Variants in NKPD1 observed in about 807,000 individuals in gnomAD.
NKPD1 encodes the protein NTPase KAP family P-loop domain-containing protein 1.
NKPD1 carries 37 observed loss-of-function variants against 42.2 expected under a neutral mutation model. The observed-to-expected ratio is 0.88, with a 90% CI of 0.67 to 1.15. NKPD1 has a LOEUF of 1.15. Among genes scored for constraint, NKPD1 ranks in the 50% most tolerant of loss-of-function variants. NKPD1 has a pLI of 0.00. For synonymous variants in NKPD1, 552 were observed against 536.5 expected (o/e 1.03, Z -0.40); for missense variants, 1,113 against 1,174.6 (o/e 0.95, Z 0.77).
In NKPD1 at chr19:45,160,047, A is replaced by C; in HGVS notation, c.91+13T>G. ...TCTGTCGGCCATCACCCGCCCCCAA[A>C]CTGAACCCGTACCTTTTCGGTGCCC... is the stretch of plus-strand genomic sequence containing the variant. On this transcript the variant is annotated intron_variant, in intron 2 of 4. Transcript: ENST00000686631. The C allele has an allele frequency of 7.7e-7, 1 of 1,296,350 alleles. No individual in the cohort carries two copies. The highest frequency in any genetic ancestry group is 1.2e-5 in the South Asian group (1 of 80,244). 80.3% of individuals were successfully genotyped at this position (1,296,350 alleles called of 1,614,324 possible).
chr19:45,161,784 GC>G (rs1351124648), upstream of NKPD1, among the ~76,000 whole-genome samples: 3 of 152,220 alleles, frequency 2.0e-5, no homozygotes, highest in Admixed American at 6.5e-5. Context: ...GCTCTCTGGG[GC>G]CCCGGCTCCC....
chr19:45,158,825 C>G lies in NKPD1; in HGVS notation c.367G>C (p.Ala123Pro), dbSNP rs973031616. 7.8e-7 allele frequency: 1 copy of G among 1,276,996 alleles called. No homozygotes were observed. The highest frequency in any genetic ancestry group is 1.0e-6 in the Non-Finnish European group (1 of 975,678). The allele number at this position is 1,276,996 out of a possible 1,614,324, so 79.1% of individuals were successfully genotyped here. Reference sequence around the variant, plus strand: ...GTGGGTAAGGTGGGCGCCTGAGGGGCGCTGGCAGGTTCCTTGGGGACAGTG... The same window carrying G: ...GTGGGTAAGGTGGGCGCCTGAGGGGGGCTGGCAGGTTCCTTGGGGACAGTG... ...TSTVPKEPAS[A>P]PQAPTLPTTA... The change falls in exon 3 of 5, where the codon GCC becomes CCC. Residue 123 changes from alanine (A) to proline (P), a missense_variant. Physicochemically the swap from Ala to Pro is conservative, Grantham distance 27 (BLOSUM62 -1). Around this residue, in one of 3 missense-constraint regions of NKPD1, gnomAD observed 204 missense variants for 227.8 expected, o/e 0.90. Transcript: ENST00000686631. This position sits in a 1 kb window ranked among gnomAD's most constrained non-coding sequence, Gnocchi z 4.6.
intron 2 of NKPD1, 32 bp downstream of exon 2, chr19:45,160,028 G>C: frequency 8.2e-7 from 1 of 1,226,652 alleles, no homozygotes; most frequent in Non-Finnish European, 1.1e-6. Context: ...GGCCTCTGTC[G>C]GCCATCACCC....
Position 45,151,887 on chromosome 19 carries a change from T to C in NKPD1, c.*51A>G. 5 of 1,477,054 alleles carry C rather than the reference T, an allele frequency of 3.4e-6. No individual in the cohort carries two copies. Among genetic ancestry groups the C allele is most frequent in the Non-Finnish European group, 4.5e-6 (5 of 1,109,080 alleles). The allele number at this position is 1,477,054 out of a possible 1,614,324, so 91.5% of individuals were successfully genotyped here. ...CCCAGTCCAGCCCCCTATTCTCCCA[T>C]CTGGGCAGATGGAGGAACCCTTGCC... On this transcript the variant is annotated 3_prime_UTR_variant, in exon 5 of 5. Transcript: ENST00000686631.
chr19:45,162,073 G>T (rs148044404), upstream of NKPD1, among the ~76,000 whole-genome samples: 1 of 152,148 alleles, frequency 6.6e-6, no homozygotes, highest in African/African-American at 2.4e-5. Context: ...GCATCTGAGC[G>T]TGGGCATCTG....
upstream of NKPD1, among the ~76,000 whole-genome samples, chr19:45,161,021 C>T (rs1195787595): frequency 6.6e-6 from 1 of 152,202 alleles, no homozygotes; most frequent in African/African-American, 2.4e-5. Context: ...GAGGCCTCAG[C>T]CCAGTGCCCG....
Position 45,155,774 on chromosome 19 carries a change from C to T in NKPD1, c.661+11G>A. On this transcript the variant is annotated intron_variant, in intron 4 of 4. Coordinates refer to ENST00000686631, the MANE Select transcript of NKPD1 (RefSeq NM_198478.4). ...TCATCCTCCCCCCAACAAACACACA[C>T]AGCTCCTCACCCGTGATCTTGTCCA... 1 of 1,295,716 alleles carries T rather than the reference C, an allele frequency of 7.7e-7. No individual in the cohort carries two copies. The highest frequency in any genetic ancestry group is 1.0e-6 in the Non-Finnish European group (1 of 981,032). 80.3% of individuals were successfully genotyped at this position (1,295,716 alleles called of 1,614,324 possible). A position where few individuals can be genotyped will look rare whatever the true frequency, so the allele number is the denominator to read the frequency against.
intron 2 of NKPD1, 69 bp downstream of exon 2, chr19:45,159,991 T>C (rs985586808): frequency 1.2e-6 from 1 of 867,762 alleles, no homozygotes; most frequent in Middle Eastern, 2.7e-4. Flanking sequence ...CCCCTTCTGT[T>C]CCTCCATTCA....
upstream of NKPD1, among the ~76,000 whole-genome samples, chr19:45,161,273 G>A (rs1427564344): frequency 6.6e-6 from 1 of 152,216 alleles, no homozygotes; most frequent in African/African-American, 2.4e-5. Context: ...GCCCAGGTAT[G>A]TGACCTTGGG....
At chr19:45,162,449 T>G (rs1206455731), upstream of NKPD1, among the ~76,000 whole-genome samples, 2 of 152,108 alleles carry the variant, frequency 1.3e-5, no homozygotes, top group African/African-American at 2.4e-5. Flanking sequence ...CACTTACCCA[T>G]GTCAGGCAGC....
Position 45,152,534 on chromosome 19 carries a change from G to C in NKPD1, c.1903C>G (p.Leu635Val). 6.3e-7 allele frequency: 1 copy of C among 1,580,066 alleles called. No homozygotes were observed. Among genetic ancestry groups the C allele is most frequent in the Non-Finnish European group, 8.5e-7 (1 of 1,171,848 alleles). Residue 635 changes from leucine to valine, a missense_variant, in exon 5 of 5, where the codon CTG becomes GTG. Around this residue, in one of 3 missense-constraint regions of NKPD1, gnomAD observed 867 missense variants for 870.1 expected, o/e 1.00. Transcript: ENST00000686631. ...CCCTGCTGCTGCTGCTGCTGCAGCAGGCGCACGGTGATGGGCACGGTGTTG... is the reference window on the plus strand; with the variant it reads ...CCCTGCTGCTGCTGCTGCTGCAGCACGCGCACGGTGATGGGCACGGTGTTG... ...IVNTVPITVR[L>V]LQQQQQQGDF...
Position 45,153,726 on chromosome 19 carries a change from G to A in NKPD1, c.711C>T (p.His237=). The A allele has an allele frequency of 1.3e-6, 2 of 1,523,596 alleles. No homozygotes were observed. The highest frequency in any genetic ancestry group is 8.9e-7 in the Non-Finnish European group (1 of 1,128,734). The allele number at this position is 1,523,596 out of a possible 1,614,324, so 94.4% of individuals were successfully genotyped here. Residue 237 remains histidine, a synonymous_variant, in exon 5 of 5, where the codon CAC becomes CAT. Transcript: ENST00000686631. The part of the protein sequence containing the change: ...AAQRESEELQ[H]VQWRPRAVSG... The stretch of plus-strand genomic sequence containing the variant: ...TCACGGCACGCGGCCGCCACTGCAC[G>A]TGCTGCAGCTCCTCGCTCTCGCGCT...
chr19:45,158,894 G>A lies in NKPD1; in HGVS notation c.298C>T (p.Leu100Phe). The A allele has an allele frequency of 7.7e-6, 10 of 1,293,654 alleles. No individual in the cohort carries two copies. Among genetic ancestry groups the A allele is most frequent in the Non-Finnish European group, 1.0e-5 (10 of 983,806 alleles). 80.1% of individuals were successfully genotyped at this position (1,293,654 alleles called of 1,614,324 possible). A position where few individuals can be genotyped will look rare whatever the true frequency, so the allele number is the denominator to read the frequency against. The change falls in exon 3 of 5, where the codon CTC becomes TTC. Residue 100 changes from leucine to phenylalanine, a missense_variant. By Grantham distance (22) the Leu-to-Phe change is conservative. Transcript: ENST00000686631. This position sits in a 1 kb window ranked among gnomAD's most constrained non-coding sequence, Gnocchi z 4.6. ...PSPPSPLRQR[L>F]CPIHEAQKGL... ...TTCTGGGCTTCGTGAATGGGGCAGA[G>A]CCGCTGCCGCAGGGGGCTGGGAGGT...
rs1968978845 is a variant in NKPD1, at chr19:45,160,111, G to T, written c.40C>A (p.Gln14Lys). 3.1e-6 allele frequency: 4 copies of T among 1,304,914 alleles called. No homozygotes were observed. In the South Asian group the frequency reaches 4.9e-5, roughly 16 times the overall value. 80.8% of individuals were successfully genotyped at this position (1,304,914 alleles called of 1,614,324 possible). A position where few individuals can be genotyped will look rare whatever the true frequency, so the allele number is the denominator to read the frequency against. ...CAGAAGTAGTGCCCGTTGGGGCTCT[G>T]GGCATCCTTGGCGAAGTGGACTTTG... is the stretch of plus-strand genomic sequence containing the variant. ...HYKVHFAKDAQSPNGHYFWDP... is the reference protein window; with the variant it reads ...HYKVHFAKDAKSPNGHYFWDP... Residue 14 changes from glutamine to lysine, a missense_variant, in exon 2 of 5, where the codon CAG becomes AAG. By Grantham distance (53) the Gln-to-Lys change is moderately conservative. Around this residue, in one of 3 missense-constraint regions of NKPD1, gnomAD observed 204 missense variants for 227.8 expected, o/e 0.90. Transcript: ENST00000686631.
upstream of NKPD1, among the ~76,000 whole-genome samples, chr19:45,161,498 A>C (rs12461733): frequency 0.015 from 2,238 of 152,326 alleles, 61 homozygotes; most frequent in African/African-American, 0.048. Flanking sequence ...TTGCTACACC[A>C]TAGCCCCGTC....
At position 45,152,056 on chromosome 19, in the gene NKPD1, CG is replaced by C; in HGVS notation, c.2380del (p.Arg794ValfsTer82). On this transcript the variant is annotated frameshift_variant, in exon 5 of 5. Coordinates refer to ENST00000686631, the MANE Select transcript of NKPD1 (RefSeq NM_198478.4). LOFTEE classifies it low-confidence loss of function (END_TRUNC). Reference protein sequence around the residue: ...NSASRAPPSGRASGQAGEGHH... With the variant: ...NSASRAPPSGXASGQAGEGHH... ...GCCTTCGCCGGCTTGCCCTGAGGCA[CG>C]GCCCGACGGGGGCGCCCTGGAGGCG... is the stretch of plus-strand genomic sequence containing the variant. 6.2e-7 allele frequency: 1 copy of C among 1,608,408 alleles called. No homozygotes were observed. The highest frequency in any genetic ancestry group is 8.5e-7 in the Non-Finnish European group (1 of 1,177,984).
In NKPD1 at chr19:45,153,780, G is replaced by C; in HGVS notation, c.662-5C>G. The C allele has an allele frequency of 6.9e-7, 1 of 1,454,778 alleles. No individual in the cohort carries two copies. The highest frequency in any genetic ancestry group is 2.3e-5 in the Admixed American group (1 of 42,614). 90.1% of individuals were successfully genotyped at this position (1,454,778 alleles called of 1,614,324 possible). ...CGGCCTCCTGCTGCATCAGCGCTGC[G>C]GGAAGGGAGCCCGGGAGCCGCGTGA... On this transcript the variant is annotated splice_region_variant and splice_polypyrimidine_tract_variant and intron_variant, in intron 4 of 4. Transcript: ENST00000686631.
At chr19:45,160,399 G>A (rs984096106) in intron 1 of NKPD1, among the ~76,000 whole-genome samples, 178 bp from the exon 2 acceptor site, 1 of 152,188 alleles carries the variant, frequency 6.6e-6, no homozygotes, top group African/African-American at 2.4e-5. Context: ...AGGAGGGAAC[G>A]GAGAACCGCT....
At chr19:45,155,945 C>T in intron 3 of NKPD1, 29 bp from the exon 4 acceptor site, 2 of 1,297,474 alleles carry the variant, frequency 1.5e-6, no homozygotes, top group East Asian at 5.6e-5. Context: ...GACACTGAGT[C>T]AGGACCACTG....
Sources: allele counts gnomAD v4.1 joint callset (sites outside exome capture counted in the v4.1 genomes callset), GRCh38; gene constraint gnomAD v4.1.1; regional missense constraint gnomAD v4.1.1; non-coding constraint Gnocchi (gnomAD v3.1); transcripts MANE v1.5; gene names NCBI Gene and HGNC (gene_info 2026-07-23, HGNC 2026-07-21).